The following ZFAT variants were observed in gnomAD, a reference collection of about 807,000 sequenced individuals.
ZFAT encodes zinc finger protein ZFAT.
ZFAT carries 64 observed loss-of-function variants against 117.7 expected under a neutral mutation model. The observed-to-expected ratio is 0.54, with a 90% CI of 0.44 to 0.67. ZFAT has a LOEUF of 0.67. Ranked by LOEUF, ZFAT falls within the 30% of genes least tolerant of loss-of-function variation. ZFAT has a pLI of 0.00. For synonymous variants in ZFAT, 679 were observed against 615.0 expected, an observed-to-expected ratio of 1.10 and a Z score of -1.54; for missense variants, 1,433 against 1,584.5, an observed-to-expected ratio of 0.90 and a Z score of 1.62.
chr8:134,785,975 T>C, the ZFAT span: 291 of 152,316 alleles, frequency 1.9e-3, 3 homozygotes, highest in African/African-American at 6.6e-3. Flanking sequence ...TTCTACAAAA[T>C]CTTGCATATT....
At chr8:134,514,591 C>G (rs1344409185) in intron 13 of ZFAT, among the ~76,000 whole-genome samples, 1 of 152,128 alleles carries the variant, frequency 6.6e-6, no homozygotes, top group African/African-American at 2.4e-5. Flanking sequence ...GCCTACTGTA[C>G]AGAGCAGAAC....
chr8:134,512,405 CA>C, intron 14 of ZFAT, 69 bp downstream of exon 14: 1 of 1,576,366 alleles, frequency 6.3e-7, no homozygotes, highest in Non-Finnish European at 8.6e-7. Context: ...CATTCATCTG[CA>C]AACGCATTCA....
chr8:134,544,204 C>T (rs1276714486), intron 11 of ZFAT, among the ~76,000 whole-genome samples: 2 of 152,178 alleles, frequency 1.3e-5, no homozygotes, highest in Admixed American at 6.5e-5. Context: ...CCTGCCTCTC[C>T]AGGTCCGCCC....
At chr8:134,659,934 C>T (rs1196675423) in intron 1 of ZFAT, among the ~76,000 whole-genome samples, 1 of 152,238 alleles carries the variant, frequency 6.6e-6, no homozygotes, top group Non-Finnish European at 1.5e-5. Flanking sequence ...ACCAACAACA[C>T]ATGAAATCAA....
At chr8:134,803,734 A>C in the ZFAT span, among the ~76,000 whole-genome samples, 4 of 152,252 alleles carry the variant, frequency 2.6e-5, no homozygotes, top group Non-Finnish European at 5.9e-5. Context: ...AAGATAATAT[A>C]AAATCATTAC....
chr8:134,808,998 C>T, the ZFAT span, among the ~76,000 whole-genome samples: 2 of 152,200 alleles, frequency 1.3e-5, no homozygotes, highest in Non-Finnish European at 2.9e-5. Context: ...ACTTCTGTCA[C>T]CTCTAACAGG....
intron 1 of ZFAT, among the ~76,000 whole-genome samples, chr8:134,697,040 C>T (rs1028332352): frequency 6.6e-6 from 1 of 151,898 alleles, no homozygotes; most frequent in Non-Finnish European, 1.5e-5. Flanking sequence ...ACCTTAGCCT[C>T]CAGAGTAGCT....
chr8:134,709,002 C>G lies in ZFAT; in HGVS notation c.19+3843G>C, dbSNP rs149838049. Among the ~76,000 whole-genome samples the G allele has an allele frequency of 6.3e-3, 966 of 152,246 alleles. 14 individuals carry two copies. The highest frequency in any genetic ancestry group is 0.022 in the African/African-American group (920 of 41,534). ...AAAATGACTTATTTAAAAAAAATTA[C>G]TCGGCTGGGCACAGTGACTCAAGCC... is the stretch of plus-strand genomic sequence containing the variant. On this transcript the variant is annotated intron_variant, in intron 1 of 15. Coordinates refer to ENST00000377838, the MANE Select transcript of ZFAT (RefSeq NM_020863.4).
At chr8:134,542,445 ATCC>A (rs1822327586) in intron 11 of ZFAT, among the ~76,000 whole-genome samples, 1 of 152,264 alleles carries the variant, frequency 6.6e-6, no homozygotes, top group Admixed American at 6.5e-5. Flanking sequence ...TTCAATCCTC[ATCC>A]TCCTCCCACC....
At position 134,512,460 on chromosome 8, in the gene ZFAT, A is replaced by G. The variant is rs1172843448; in HGVS notation, c.3361+15T>C. On this transcript the variant is annotated intron_variant, in intron 14 of 15. Coordinates refer to ENST00000377838, the MANE Select transcript of ZFAT (RefSeq NM_020863.4). The stretch of plus-strand genomic sequence containing the variant: ...GACAGTTCTGAGATGGCAAAGGAAG[A>G]CCAGGCGTCCTCACCACTCTCAGAG... 6.2e-7 allele frequency: 1 copy of G among 1,612,172 alleles called. No individual in the cohort carries two copies. Among genetic ancestry groups the G allele is most frequent in the East Asian group, 2.2e-5 (1 of 44,864 alleles).
At chr8:134,677,798 C>T (rs561950038) in intron 1 of ZFAT, among the ~76,000 whole-genome samples, 9 of 152,246 alleles carry the variant, frequency 5.9e-5, no homozygotes, top group African/African-American at 1.7e-4. Flanking sequence ...GTTCAACATA[C>T]GTAAATAAAT....
chr8:134,628,013 A>C (rs1408351435), intron 3 of ZFAT, among the ~76,000 whole-genome samples: 1 of 152,160 alleles, frequency 6.6e-6, no homozygotes, highest in African/African-American at 2.4e-5. Flanking sequence ...GCGCGGCACA[A>C]TGAGAAGCCC....
At chr8:134,752,982 G>T in the ZFAT span, among the ~76,000 whole-genome samples, 2 of 152,186 alleles carry the variant, frequency 1.3e-5, no homozygotes, top group Non-Finnish European at 2.9e-5. Flanking sequence ...AGGGATTATG[G>T]TTGATAGTGA....
chr8:134,681,276 G>A (rs1833058233), intron 1 of ZFAT, among the ~76,000 whole-genome samples: 1 of 151,716 alleles, frequency 6.6e-6, no homozygotes, highest in African/African-American at 2.4e-5. Context: ...AGGGCTGGCT[G>A]TGGACCCCAC....
At chr8:134,670,359 A>T (rs1322654589) in intron 1 of ZFAT, among the ~76,000 whole-genome samples, 1 of 152,224 alleles carries the variant, frequency 6.6e-6, no homozygotes, top group African/African-American at 2.4e-5. Context: ...GAAGTAAAGC[A>T]CTCCTCAGCA....
rs906916572 is a variant in ZFAT at position 134,512,672 on chromosome 8, T to C, written c.3235-71A>G. ...GTTGCCCAGAAGTTCCAAGATAACA[T>C]ACTAAGATAGAACAAACGCATATAA... On this transcript the variant is annotated intron_variant, in intron 13 of 15. Coordinates refer to ENST00000377838, the MANE Select transcript of ZFAT (RefSeq NM_020863.4). 3.2e-6 allele frequency: 5 copies of C among 1,553,022 alleles called. No individual in the cohort carries two copies. In the Admixed American group the frequency reaches 5.8e-5, roughly 18 times the overall value.
chr8:134,668,104 G>A (rs1832334319), intron 1 of ZFAT, among the ~76,000 whole-genome samples: 1 of 152,220 alleles, frequency 6.6e-6, no homozygotes, highest in Non-Finnish European at 1.5e-5. Flanking sequence ...AAACATAGCA[G>A]CCAGGAAACT....
At chr8:134,527,851 G>A (rs751339957) in intron 12 of ZFAT, among the ~76,000 whole-genome samples, 4 of 152,074 alleles carry the variant, frequency 2.6e-5, no homozygotes, top group Admixed American at 1.3e-4. Flanking sequence ...CTTCCCATCC[G>A]CCCCCTCCCC....
At chr8:134,827,759 CTCTG>C in the ZFAT span, among the ~76,000 whole-genome samples, 3 of 140,950 alleles carry the variant, frequency 2.1e-5, no homozygotes, top group African/African-American at 5.3e-5. Context: ...CAGAGTGAGA[CTCTG>C]TCTAAAAAAA....
Sources: allele counts gnomAD v4.1 joint callset (sites outside exome capture counted in the v4.1 genomes callset), GRCh38; gene constraint gnomAD v4.1.1; transcripts MANE v1.5; gene names NCBI Gene and HGNC (gene_info 2026-07-23, HGNC 2026-07-21).